The following CDH12 variants were observed in gnomAD, a reference collection of about 807,000 sequenced individuals.
CDH12 encodes the protein cadherin 12.
In CDH12, 41 loss-of-function variants were observed where a neutral mutation model predicts 74.1. The ratio of observed to expected loss-of-function variants is 0.55; its 90% CI spans 0.43 to 0.72. CDH12 has a LOEUF of 0.72. CDH12 is among the 30% of genes least tolerant of loss of function. The pLI, the probability that CDH12 is intolerant of heterozygous loss-of-function variation, is 0.00. For missense variants in CDH12, 945 were observed against 977.2 expected (o/e 0.97, Z 0.44); for synonymous variants, 399 against 355.0 (o/e 1.12, Z -1.39).
At chr5:22,437,085 G>A (rs1744428011) in intron 2 of CDH12, among the ~76,000 whole-genome samples, 1 of 151,626 alleles carries the variant, frequency 6.6e-6, no homozygotes. Context: ...GAGAACAATT[G>A]TTCATCATTA....
intron 13 of CDH12, among the ~76,000 whole-genome samples, chr5:21,760,198 G>C (rs546701341): frequency 6.6e-6 from 1 of 151,930 alleles, no homozygotes. Flanking sequence ...TGTGCTGTAC[G>C]GTGTGTTATT....
intron 12 of CDH12, among the ~76,000 whole-genome samples, chr5:21,763,578 C>A (rs1744843641): frequency 6.6e-6 from 1 of 152,074 alleles, no homozygotes; most frequent in African/African-American, 2.4e-5. Context: ...TAAAGGTGAT[C>A]AAAAACTAGA....
At chr5:21,981,078 A>AT in intron 5 of CDH12, among the ~76,000 whole-genome samples, 2 of 152,100 alleles carry the variant, frequency 1.3e-5, no homozygotes, top group Non-Finnish European at 2.9e-5. Flanking sequence ...ACATATATAA[A>AT]ATTGGCTAAA....
chr5:22,804,820 A>G (rs1357355715), intron 1 of CDH12, among the ~76,000 whole-genome samples: 2 of 152,220 alleles, frequency 1.3e-5, no homozygotes, highest in African/African-American at 2.4e-5. Flanking sequence ...AGATGGACTA[A>G]GATTAGGTAC....
At chr5:21,855,284 T>C (rs971927622) in intron 6 of CDH12, among the ~76,000 whole-genome samples, 3 of 151,648 alleles carry the variant, frequency 2.0e-5, no homozygotes, top group African/African-American at 7.3e-5. Flanking sequence ...ATTTGAGAAA[T>C]TGAGAAACCA....
At chr5:22,478,342 T>C (rs1447672586) in intron 2 of CDH12, among the ~76,000 whole-genome samples, 16 of 130,068 alleles carry the variant, frequency 1.2e-4, no homozygotes, top group African/African-American at 3.3e-4. Flanking sequence ...GGCGTGAACC[T>C]GGGAGGCGGA....
At chr5:22,079,925 C>T (rs576540986) in intron 4 of CDH12, among the ~76,000 whole-genome samples, 85 of 149,606 alleles carry the variant, frequency 5.7e-4, no homozygotes, top group African/African-American at 2.0e-3. Flanking sequence ...ACAAGAATAT[C>T]CTGAGGGTAA....
chr5:22,563,002 G>A (rs1014280040), intron 1 of CDH12, among the ~76,000 whole-genome samples: 20 of 145,494 alleles, frequency 1.4e-4, no homozygotes, highest in African/African-American at 5.0e-4. Flanking sequence ...ATTTATATAT[G>A]CAAATATATA....
At chr5:22,729,903 T>C (rs1744346959) in intron 1 of CDH12, among the ~76,000 whole-genome samples, 1 of 151,826 alleles carries the variant, frequency 6.6e-6, no homozygotes, top group Non-Finnish European at 1.5e-5. Context: ...TTACCTACCA[T>C]ATTGAATTAT....
intron 1 of CDH12, among the ~76,000 whole-genome samples, chr5:22,647,619 T>C (rs999934088): frequency 2.0e-5 from 3 of 151,700 alleles, no homozygotes; most frequent in Non-Finnish European, 3.0e-5. Flanking sequence ...TTTGATCTCA[T>C]AGAATTAGTT....
chr5:21,991,268 T>G (rs1757737631), intron 5 of CDH12, among the ~76,000 whole-genome samples: 1 of 151,670 alleles, frequency 6.6e-6, no homozygotes, highest in Non-Finnish European at 1.5e-5. Context: ...ATCCATCATA[T>G]TAAAAAGGTA....
rs374425596 is a variant in CDH12, at chr5:22,365,072, A to G, written c.-333+40185T>C. On this transcript the variant is annotated intron_variant, in intron 3 of 14. Coordinates refer to ENST00000382254, the MANE Select transcript of CDH12 (RefSeq NM_004061.5). ...CTCTAAGCTCACTCGACTGCATGAC[A>G]TAAGTATTTCCTTTTATATCACACT... Among the ~76,000 whole-genome samples the G allele has an allele frequency of 4.9e-4, 75 of 152,350 alleles. 1 individual carries two copies. In the East Asian group the frequency reaches 9.1e-3, roughly 18 times the overall value.
chr5:22,788,882 G>A (rs1217636329), intron 1 of CDH12, among the ~76,000 whole-genome samples: 1 of 151,814 alleles, frequency 6.6e-6, no homozygotes, highest in Non-Finnish European at 1.5e-5. Context: ...TCTAGTTGCT[G>A]AGTCCACATT....
At chr5:22,164,623 A>G (rs545623695) in intron 4 of CDH12, among the ~76,000 whole-genome samples, 20 of 152,342 alleles carry the variant, frequency 1.3e-4, no homozygotes, top group Admixed American at 7.8e-4. Context: ...AGGGGACCCC[A>G]AGGGGGTTGC....
chr5:22,173,742 A>G (rs1749176298), intron 4 of CDH12, among the ~76,000 whole-genome samples: 1 of 151,922 alleles, frequency 6.6e-6, no homozygotes, highest in Non-Finnish European at 1.5e-5. Flanking sequence ...TAAAAGCACA[A>G]CTAACACTTA....
chr5:21,885,414 G>T (rs1265196212), intron 6 of CDH12, among the ~76,000 whole-genome samples: 1 of 152,114 alleles, frequency 6.6e-6, no homozygotes, highest in East Asian at 1.9e-4. Flanking sequence ...AGTTTACAGA[G>T]AAATGGTTAT....
chr5:21,840,988 A>C (rs1284497487), intron 8 of CDH12, among the ~76,000 whole-genome samples: 2 of 151,892 alleles, frequency 1.3e-5, no homozygotes, highest in South Asian at 4.1e-4. Flanking sequence ...AATGGCAACA[A>C]AAGCCAAAAT....
chr5:22,360,645 C>G (rs1296617234), intron 3 of CDH12, among the ~76,000 whole-genome samples: 1 of 152,082 alleles, frequency 6.6e-6, no homozygotes, highest in African/African-American at 2.4e-5. Context: ...AATTTTAGAC[C>G]AATATCCCTG....
chr5:22,654,009 C>T (rs547532182), intron 1 of CDH12, among the ~76,000 whole-genome samples: 19 of 122,854 alleles, frequency 1.5e-4, no homozygotes, highest in Non-Finnish European at 2.7e-4. Context: ...TTCCTTCCTT[C>T]CCTGTCCTTC....
Sources: gnomAD v4.1 joint callset for allele counts (sites outside exome capture counted in the v4.1 genomes callset) on GRCh38, gnomAD v4.1.1 for gene constraint, MANE v1.5 for transcripts, NCBI Gene and HGNC (gene_info 2026-07-23, HGNC 2026-07-21) for gene names.